SPEN: variants seen among roughly 807,000 people sequenced by gnomAD.
SPEN encodes spen family transcriptional repressor, also known as msx2-interacting protein.
Under a neutral mutation model 269.9 loss-of-function variants are expected in SPEN, and 18 were observed. The observed-to-expected ratio is 0.07, with a 90% CI of 0.05 to 0.10. The LOEUF (loss-of-function observed/expected upper bound fraction) is 0.10, where lower values mean the gene tolerates loss of function less well. Among genes scored for constraint, SPEN ranks in the 10% least tolerant of loss-of-function variants. SPEN has a pLI of 1.00. For synonymous variants in SPEN, 1,726 were observed against 1,765.7 expected (o/e 0.98, Z 0.56); for missense variants, 3,822 against 4,631.2 (o/e 0.83, Z 5.07).
Position 15,933,956 on chromosome 1 carries a change from G to T in SPEN, c.7716G>T (p.Pro2572=), listed in dbSNP as rs749623938. ...VSAAPCLHEA[P]PPPVDSKKPL... ...CTGCCCCTTGCCTACATGAGGCCCC[G>T]CCCCCGCCAGTTGACTCTAAAAAGC... Residue 2572 remains proline, a synonymous_variant, in exon 11 of 15, where the codon CCG becomes CCT. Coordinates refer to ENST00000375759, the MANE Select transcript of SPEN (RefSeq NM_015001.3). The surrounding 1 kb of genome is among the most constrained non-coding windows in gnomAD (Gnocchi z 5.7). 6.2e-7 allele frequency: 1 copy of T among 1,613,526 alleles called. No individual in the cohort carries two copies. The highest frequency in any genetic ancestry group is 8.5e-7 in the Non-Finnish European group (1 of 1,179,822).
intron 1 of SPEN, among the ~76,000 whole-genome samples, chr1:15,867,022 A>T (rs983991291): frequency 6.6e-6 from 1 of 152,196 alleles, no homozygotes; most frequent in African/African-American, 2.4e-5. Context: ...TTACCCATTT[A>T]AAGTATACAA....
chr1:15,933,247 C>G lies in SPEN; in HGVS notation c.7007C>G (p.Thr2336Ser). The G allele has an allele frequency of 6.2e-7, 1 of 1,614,162 alleles. No homozygotes were observed. The highest frequency in any genetic ancestry group is 8.5e-7 in the Non-Finnish European group (1 of 1,180,048). The change falls in exon 11 of 15, where the codon ACC becomes AGC. Residue 2336 changes from threonine to serine, a missense_variant. Coordinates refer to ENST00000375759, the MANE Select transcript of SPEN (RefSeq NM_015001.3). The surrounding 1 kb of genome is among the most constrained non-coding windows in gnomAD (Gnocchi z 5.7). Reference sequence around the variant, plus strand: ...AAAGACAAAGGGCGCCAGAAAACAACCCGATCACGCCGCAAGCGAAACACA... The same window carrying G: ...AAAGACAAAGGGCGCCAGAAAACAAGCCGATCACGCCGCAAGCGAAACACA... ...VRKDKGRQKT[T>S]RSRRKRNTNK...
At chr1:15,911,692 G>A (rs1459691419) in intron 5 of SPEN, among the ~76,000 whole-genome samples, 1 of 152,224 alleles carries the variant, frequency 6.6e-6, no homozygotes, top group African/African-American at 2.4e-5. Context: ...TGGGCGCAGT[G>A]GCTCATGCCT....
intron 1 of SPEN, among the ~76,000 whole-genome samples, chr1:15,852,086 A>G (rs918749330): frequency 2.0e-5 from 3 of 152,216 alleles, no homozygotes; most frequent in African/African-American, 4.8e-5. Flanking sequence ...TGGAATAGCT[A>G]TTACATTTTA....
chr1:15,937,670 TC>T lies in SPEN; in HGVS notation c.10509+27del. 6.2e-7 allele frequency: 1 copy of T among 1,607,882 alleles called. No homozygotes were observed. Among genetic ancestry groups the T allele is most frequent in the Non-Finnish European group, 8.5e-7 (1 of 1,175,392 alleles). On this transcript the variant is annotated intron_variant, in intron 12 of 14. Transcript: ENST00000375759. The surrounding 1 kb of genome is among the most constrained non-coding windows in gnomAD (Gnocchi z 5.7). ...GGTAAGCATGAGCAGGGGCTGCCCT[TC>T]CTGGCCCCCAAGTTTTATGCCATGT... is the stretch of plus-strand genomic sequence containing the variant.
intron 3 of SPEN, among the ~76,000 whole-genome samples, chr1:15,890,073 GACAAA>G (rs1282562851): frequency 6.6e-6 from 1 of 152,140 alleles, no homozygotes; most frequent in Non-Finnish European, 1.5e-5. Context: ...TGTCCAGGTA[GACAAA>G]ACAGTAAGTG....
chr1:15,930,505 T>A lies in SPEN; in HGVS notation c.4265T>A (p.Leu1422His). ...AAGCTACGTGAGCGAGATGAAAGACTCTCTAGTTCTTTAGAAAGGAACAAA... is the reference window on the plus strand; with the variant it reads ...AAGCTACGTGAGCGAGATGAAAGACACTCTAGTTCTTTAGAAAGGAACAAA... Reference protein sequence around the residue: ...EDKLRERDERLSSSLERNKFY... With the variant: ...EDKLRERDERHSSSLERNKFY... Residue 1422 changes from leucine to histidine, a missense_variant, in exon 11 of 15, where the codon CTC becomes CAC. Around this residue, in one of 16 missense-constraint regions of SPEN, gnomAD observed 267 missense variants for 315.5 expected, o/e 0.85. Coordinates refer to ENST00000375759, the MANE Select transcript of SPEN (RefSeq NM_015001.3). The surrounding 1 kb of genome is among the most constrained non-coding windows in gnomAD (Gnocchi z 5.3). The A allele has an allele frequency of 6.2e-7, 1 of 1,614,220 alleles. No individual in the cohort carries two copies. Among genetic ancestry groups the A allele is most frequent in the Non-Finnish European group, 8.5e-7 (1 of 1,180,038 alleles).
intron 3 of SPEN, among the ~76,000 whole-genome samples, chr1:15,900,105 CA>C (rs780985183): frequency 3.3e-5 from 5 of 152,160 alleles, no homozygotes; most frequent in Non-Finnish European, 7.3e-5. Flanking sequence ...CTCGGCCTAC[CA>C]AAGTGCTGGG....
chr1:15,874,037 T>A, intron 2 of SPEN: 1 of 1,247,614 alleles, frequency 8.0e-7, no homozygotes, highest in Non-Finnish European at 1.0e-6. Context: ...CAACTGTGCC[T>A]TCCTCATTCG....
chr1:15,904,480 G>GAA (rs1570030262), intron 3 of SPEN, among the ~76,000 whole-genome samples: 3 of 75,052 alleles, frequency 4.0e-5, no homozygotes, highest in Non-Finnish European at 5.4e-5. Flanking sequence ...AAAAAAAAGT[G>GAA]AACTAAAAAC....
At chr1:15,894,110 C>T (rs142075455) in intron 3 of SPEN, among the ~76,000 whole-genome samples, 176 of 152,336 alleles carry the variant, frequency 1.2e-3, no homozygotes, top group Middle Eastern at 6.8e-3. Context: ...AAAACACACA[C>T]ACACTCACTT....
rs2071236315 is a variant in SPEN, at chr1:15,932,898, G to A, written c.6658G>A (p.Gly2220Ser). 3 of 1,614,196 alleles carry A rather than the reference G, an allele frequency of 1.9e-6. No homozygotes were observed. The highest frequency in any genetic ancestry group is 2.5e-6 in the Non-Finnish European group (3 of 1,180,034). The change falls in exon 11 of 15, where the codon GGC becomes AGC. Residue 2220 changes from glycine (G) to serine (S), a missense_variant. Gly to Ser is a moderately conservative substitution (Grantham distance 56). Transcript: ENST00000375759. This position sits in a 1 kb window ranked among gnomAD's most constrained non-coding sequence, Gnocchi z 4.2. ...TGAAACAGAGCTGGCTGCGGCCATC[G>A]GCTCCATCATCAATGACATTTCTGG... Reference protein sequence around the residue: ...ASETELAAAIGSIINDISGEP... With the variant: ...ASETELAAAISSIINDISGEP...
At chr1:15,900,821 T>C (rs2070892080) in intron 3 of SPEN, among the ~76,000 whole-genome samples, 1 of 152,128 alleles carries the variant, frequency 6.6e-6, no homozygotes, top group South Asian at 2.1e-4. Context: ...GAGAACTCTT[T>C]GTTGGGACTT....
intron 1 of SPEN, among the ~76,000 whole-genome samples, chr1:15,853,574 AC>A (rs1222907660): frequency 6.7e-6 from 1 of 148,392 alleles, no homozygotes; most frequent in Admixed American, 6.8e-5. Context: ...GCTCACTGCA[AC>A]CTCCTCCTCC....
intron 3 of SPEN, among the ~76,000 whole-genome samples, chr1:15,897,892 A>C (rs893639219): frequency 6.6e-6 from 1 of 152,172 alleles, no homozygotes; most frequent in Non-Finnish European, 1.5e-5. Context: ...TTTGGCTCTA[A>C]AGGGCTTCAT....
At chr1:15,871,681 C>T (rs367977902) in intron 1 of SPEN, among the ~76,000 whole-genome samples, 1 of 152,172 alleles carries the variant, frequency 6.6e-6, no homozygotes, top group East Asian at 1.9e-4. Flanking sequence ...AAAAAAATTA[C>T]ATTAAAAAAA....
chr1:15,893,864 C>T (rs1316891118), intron 3 of SPEN, among the ~76,000 whole-genome samples: 1 of 152,142 alleles, frequency 6.6e-6, no homozygotes. Flanking sequence ...CATGGCAAAA[C>T]CCTGTCTCTA....
At chr1:15,914,857 A>T (rs2071043685) in intron 5 of SPEN, among the ~76,000 whole-genome samples, 1 of 152,188 alleles carries the variant, frequency 6.6e-6, no homozygotes, top group Non-Finnish European at 1.5e-5. Flanking sequence ...AAGCCGTAAC[A>T]ATCATTTCTG....
Position 15,861,295 on chromosome 1 carries a change from C to G in SPEN, c.84-11521C>G, listed in dbSNP as rs559082562. On this transcript the variant is annotated intron_variant, in intron 1 of 14. Coordinates refer to ENST00000375759, the MANE Select transcript of SPEN (RefSeq NM_015001.3). ...TATAGGCACATGCCACCACACCTGG[C>G]TAATTTTTGTATTTTTAGTAGTAAC... Among the ~76,000 whole-genome samples, 12 of 152,046 alleles carry G rather than the reference C, an allele frequency of 7.9e-5. No homozygotes were observed. The East Asian group carries it at 2.1e-3, about 27-fold the overall frequency.
Sources: gnomAD v4.1 joint callset for allele counts (sites outside exome capture counted in the v4.1 genomes callset) on GRCh38, gnomAD v4.1.1 for gene constraint, gnomAD v4.1.1 regional missense constraint, Gnocchi (gnomAD v3.1) non-coding constraint, MANE v1.5 for transcripts, NCBI Gene and HGNC (gene_info 2026-07-23, HGNC 2026-07-21) for gene names.